The following DIAPH2 variants were observed in gnomAD, a reference collection of about 807,000 sequenced individuals.
The protein encoded by DIAPH2 is diaphanous related formin 2.
DIAPH2 carries 35 observed loss-of-function variants against 92.7 expected under a neutral mutation model. The observed-to-expected ratio is 0.38, with a 90% CI of 0.29 to 0.50. The LOEUF (loss-of-function observed/expected upper bound fraction) is 0.50. Ranked by LOEUF, DIAPH2 falls within the 20% of genes least tolerant of loss-of-function variation. The pLI is 0.94. For synonymous variants in DIAPH2, 301 were observed against 280.4 expected (o/e 1.07, Z -0.73); for missense variants, 701 against 819.5 (o/e 0.86, Z 1.77).
chrX:96,938,822 C>A (rs2147800302), intron 11 of DIAPH2, among the ~76,000 whole-genome samples: 1 of 111,745 alleles, frequency 8.9e-6, no homozygotes, highest in East Asian at 2.8e-4. Context: ...GATTTTGTGA[C>A]CTCTTAGCAG....
intron 26 of DIAPH2, among the ~76,000 whole-genome samples, chrX:97,440,421 G>A (rs1034275235): frequency 2.0e-4 from 22 of 109,257 alleles, no homozygotes; most frequent in East Asian, 2.9e-4. Context: ...GTGAAACCCC[G>A]TCTCTACTAA....
chrX:97,411,984 G>C (rs893583070), intron 25 of DIAPH2, among the ~76,000 whole-genome samples: 2 of 111,477 alleles, frequency 1.8e-5, no homozygotes, highest in African/African-American at 6.5e-5. Context: ...GTCAATATTA[G>C]ACAGATCAAT....
At chrX:96,876,154 A>C (rs1276026026) in intron 4 of DIAPH2, among the ~76,000 whole-genome samples, 1 of 112,261 alleles carries the variant, frequency 8.9e-6, no homozygotes. Context: ...CAGACACATG[A>C]AAAAATGCTC....
chrX:97,175,328 T>C (rs145096631), intron 22 of DIAPH2, among the ~76,000 whole-genome samples: 1,216 of 111,736 alleles, frequency 0.011, 2 homozygotes, highest in Middle Eastern at 0.023. Context: ...TATCAGCACT[T>C]ATGTAATGTC....
chrX:97,247,778 G>A lies in DIAPH2; in HGVS notation c.2783G>A (p.Arg928His), dbSNP rs759242219. 42 of 1,204,311 alleles carry A rather than the reference G, an allele frequency of 3.5e-5. No individual in the cohort carries two copies. The highest frequency in any genetic ancestry group is 1.5e-4 in the East Asian group (5 of 33,649). Residue 928 changes from arginine to histidine, a missense_variant, in exon 23 of 27, where the codon CGT becomes CAT. Around this residue, in one of 3 missense-constraint regions of DIAPH2, gnomAD observed 536 missense variants for 599.3 expected, o/e 0.89. Transcript: ENST00000324765. ...GAACAACAAATTGTTCATCTGGAAC[G>A]TGACATCAAGAAATTCCCCCAAGCA... Reference protein sequence around the residue: ...SMEQQIVHLERDIKKFPQAEN... With the variant: ...SMEQQIVHLEHDIKKFPQAEN...
intron 17 of DIAPH2, among the ~76,000 whole-genome samples, chrX:97,054,957 A>C (rs2066546210): frequency 9.0e-6 from 1 of 110,836 alleles, no homozygotes; most frequent in Non-Finnish European, 1.9e-5. Context: ...ATAGCTGTTC[A>C]TTTGTCCATC....
chrX:97,604,218 G>T lies in DIAPH2; in HGVS notation c.*4901G>T, dbSNP rs1174697956. 1 of 111,554 alleles carries T rather than the reference G, an allele frequency of 9.0e-6. No individual in the cohort carries two copies. The highest frequency in any genetic ancestry group is 1.9e-5 in the Non-Finnish European group (1 of 53,027). 9.2% of individuals were successfully genotyped at this position (111,554 alleles called of 1,213,427 possible). ...TCTGTCTTCACATCACTTCCCCTCTGTATATATAATCTACCTCTGCCTCTC... is the reference window on the plus strand; with the variant it reads ...TCTGTCTTCACATCACTTCCCCTCTTTATATATAATCTACCTCTGCCTCTC... On this transcript the variant is annotated 3_prime_UTR_variant, in exon 27 of 27. Coordinates refer to ENST00000324765, the MANE Select transcript of DIAPH2 (RefSeq NM_006729.5).
intron 23 of DIAPH2, among the ~76,000 whole-genome samples, chrX:97,251,138 G>T (rs150885337): frequency 0.015 from 1,645 of 111,479 alleles, 29 homozygotes; most frequent in African/African-American, 0.05. Context: ...TGACCCATTC[G>T]AAGGTTCATG....
intron 4 of DIAPH2, among the ~76,000 whole-genome samples, chrX:96,796,240 C>G (rs1357965219): frequency 9.0e-6 from 1 of 111,512 alleles, no homozygotes. Flanking sequence ...AGTGCAGTGG[C>G]GTGATCTCAG....
At chrX:96,850,769 T>C (rs2065001603) in intron 4 of DIAPH2, among the ~76,000 whole-genome samples, 1 of 109,943 alleles carries the variant, frequency 9.1e-6, no homozygotes, top group South Asian at 3.9e-4. Context: ...TGCCATATGT[T>C]TCTAATCATA....
At chrX:96,773,030 T>C (rs775321152) in intron 4 of DIAPH2, among the ~76,000 whole-genome samples, 1 of 112,285 alleles carries the variant, frequency 8.9e-6, no homozygotes, top group South Asian at 3.7e-4. Flanking sequence ...TCTATGTGTT[T>C]ATATATGTCT....
intron 17 of DIAPH2, among the ~76,000 whole-genome samples, chrX:97,061,813 C>CAAAA (rs11364777): frequency 3.1e-4 from 12 of 38,727 alleles, no homozygotes; most frequent in African/African-American, 7.2e-4. Flanking sequence ...GACTCCGTCT[C>CAAAA]AAAAAAAAAA....
intron 22 of DIAPH2, among the ~76,000 whole-genome samples, chrX:97,166,702 T>G (rs768495269): frequency 3.6e-5 from 4 of 111,608 alleles, no homozygotes; most frequent in African/African-American, 6.5e-5. Context: ...GTATAAAGAA[T>G]AGTGATAATT....
intron 23 of DIAPH2, among the ~76,000 whole-genome samples, chrX:97,277,228 C>T (rs2068459201): frequency 9.0e-6 from 1 of 111,431 alleles, no homozygotes; most frequent in African/African-American, 3.3e-5. Context: ...ATCCCAGCTA[C>T]TTGGGAGGCT....
At chrX:97,405,738 A>G (rs141879110) in intron 25 of DIAPH2, among the ~76,000 whole-genome samples, 98 of 111,932 alleles carry the variant, frequency 8.8e-4, no homozygotes, top group African/African-American at 3.1e-3. Flanking sequence ...AGTTCAAACC[A>G]TATGAAATTG....
chrX:96,763,225 T>A, intron 4 of DIAPH2: 1 of 527,661 alleles, frequency 1.9e-6, no homozygotes, highest in Non-Finnish European at 2.6e-6. Context: ...TGGTATATAT[T>A]TTACCAAAGC....
intron 1 of DIAPH2, among the ~76,000 whole-genome samples, chrX:96,718,230 A>G (rs2147545015): frequency 9.9e-6 from 1 of 101,211 alleles, no homozygotes; most frequent in East Asian, 3.2e-4. Context: ...CTTTTTTTTC[A>G]CTTAACATGT....
chrX:97,551,068 G>A (rs1279218312), intron 26 of DIAPH2, among the ~76,000 whole-genome samples: 5 of 109,373 alleles, frequency 4.6e-5, no homozygotes, highest in South Asian at 3.9e-4. Flanking sequence ...AAAGAGAAAC[G>A]TTGTTAGCCT....
intron 17 of DIAPH2, among the ~76,000 whole-genome samples, chrX:96,974,242 G>A (rs1440195844): frequency 8.9e-6 from 1 of 112,154 alleles, no homozygotes; most frequent in Non-Finnish European, 1.9e-5. Context: ...ACTTTGTGGC[G>A]TAGGTGGCAA....
Sources: gnomAD v4.1 joint callset for allele counts (sites outside exome capture counted in the v4.1 genomes callset) on GRCh38, gnomAD v4.1.1 for gene constraint, gnomAD v4.1.1 regional missense constraint, MANE v1.5 for transcripts, NCBI Gene and HGNC (gene_info 2026-07-23, HGNC 2026-07-21) for gene names.